Variants in APPBP2 observed in about 807,000 individuals in gnomAD.
APPBP2 encodes amyloid beta precursor protein binding protein 2, also known as amyloid protein-binding protein 2.
Under a neutral mutation model 76.0 loss-of-function variants are expected in APPBP2, and 15 were observed. The ratio of observed to expected loss-of-function variants is 0.20; its 90% CI spans 0.13 to 0.30. APPBP2 has a LOEUF of 0.30. Ranked by LOEUF, APPBP2 falls within the 10% of genes least tolerant of loss-of-function variation. APPBP2 has a pLI of 1.00. For missense variants in APPBP2, 401 were observed against 687.2 expected (o/e 0.58, Z 4.66); for synonymous variants, 222 against 242.2 (o/e 0.92, Z 0.77).
intron 2 of APPBP2, among the ~76,000 whole-genome samples, chr17:60,495,143 C>A (rs1367585766): frequency 6.6e-6 from 1 of 150,584 alleles, no homozygotes; most frequent in Admixed American, 6.6e-5. Flanking sequence ...TGTCACCATG[C>A]CCAACTAATC....
intron 3 of APPBP2, among the ~76,000 whole-genome samples, chr17:60,490,834 CA>C (rs1406103701): frequency 6.6e-6 from 1 of 152,144 alleles, no homozygotes; most frequent in Non-Finnish European, 1.5e-5. Context: ...TGCCTGCCAC[CA>C]TGTAAGATGT....
rs764534040 is a variant in APPBP2, at chr17:60,479,164, C to T, written c.487G>A (p.Val163Ile). The change falls in exon 4 of 13, where the codon GTA becomes ATA. Residue 163 changes from valine (V) to isoleucine (I), a missense_variant. Transcript: ENST00000083182. ...HDEMLHWFRA[V>I]ECCVRLLHVR... ...CCAACTTACCTCACACAACATTCTA[C>T]TGCACGAAACCAATGAAGCATCTCA... The T allele has an allele frequency of 1.4e-5, 22 of 1,611,982 alleles. No individual in the cohort carries two copies. Among genetic ancestry groups the T allele is most frequent in the Admixed American group, 6.7e-5 (4 of 59,430 alleles).
intron 3 of APPBP2, among the ~76,000 whole-genome samples, chr17:60,487,215 G>GT (rs1367555293): frequency 6.6e-6 from 1 of 152,154 alleles, no homozygotes; most frequent in Non-Finnish European, 1.5e-5. Context: ...GGTGTTCTCT[G>GT]TATTTCCTGA....
chr17:60,476,111 GAA>G (rs371452448), intron 4 of APPBP2, among the ~76,000 whole-genome samples: 304 of 152,150 alleles, frequency 2.0e-3, no homozygotes, highest in African/African-American at 6.8e-3. Flanking sequence ...GTATAAGCAA[GAA>G]AAACAAAGCC....
At chr17:60,484,334 A>T (rs192521954) in intron 3 of APPBP2, among the ~76,000 whole-genome samples, 4 of 152,310 alleles carry the variant, frequency 2.6e-5, no homozygotes, top group African/African-American at 7.2e-5. Flanking sequence ...AGCCATTTTC[A>T]TGATACTGAT....
chr17:60,525,770 A>C (rs1567946601), intron 1 of APPBP2, 24 bp downstream of exon 1: 1 of 1,612,980 alleles, frequency 6.2e-7, no homozygotes, highest in South Asian at 1.1e-5. Context: ...GGAGGAGAGC[A>C]GAGAGGAGGC....
intron 4 of APPBP2, among the ~76,000 whole-genome samples, chr17:60,475,306 T>C (rs1231147760): frequency 6.6e-6 from 1 of 152,144 alleles, no homozygotes; most frequent in Non-Finnish European, 1.5e-5. Flanking sequence ...AGTTTCATTA[T>C]ATTGCCCAGG....
chr17:60,501,122 T>C (rs962079248), intron 1 of APPBP2, among the ~76,000 whole-genome samples: 1 of 152,104 alleles, frequency 6.6e-6, no homozygotes, highest in Non-Finnish European at 1.5e-5. Flanking sequence ...GAGACAGGCC[T>C]GGGCAACATA....
rs1269339790 is a variant in APPBP2, at chr17:60,447,671, A to T, written c.1668T>A (p.Ala556=). 1 of 1,614,130 alleles carries T rather than the reference A, an allele frequency of 6.2e-7. No homozygotes were observed. The highest frequency in any genetic ancestry group is 8.5e-7 in the Non-Finnish European group (1 of 1,180,030). ...GGGGGCTGGTGCTGACATCTTCAAG[A>T]GCATCTGTCACTGAATATTGCCGAT... ...LRDRQYSVTD[A]LEDVSTSPQS... Residue 556 remains alanine (A), a synonymous_variant, in exon 13 of 13, where the codon GCT becomes GCA. Transcript: ENST00000083182.
intron 1 of APPBP2, among the ~76,000 whole-genome samples, chr17:60,502,789 T>G (rs186180524): frequency 6.8e-6 from 1 of 146,094 alleles, no homozygotes; most frequent in East Asian, 1.9e-4. Flanking sequence ...TAAGACAGGT[T>G]GCAAGGAGCC....
At position 60,461,847 on chromosome 17, in the gene APPBP2, T is replaced by C. The variant is rs756058945; in HGVS notation, c.899A>G (p.Asn300Ser). The C allele has an allele frequency of 1.2e-6, 2 of 1,611,776 alleles. No individual in the cohort carries two copies. Among genetic ancestry groups the C allele is most frequent in the Non-Finnish European group, 1.7e-6 (2 of 1,179,222 alleles). ...TLLDYGFYLL[N>S]VDNICQSVAI... ...AACAGACTGACAGATATTATCTACA[T>C]TGAGTAAGTAGAACCCATAATCTAG... Residue 300 changes from asparagine to serine, a missense_variant, in exon 8 of 13, where the codon AAT becomes AGT. Transcript: ENST00000083182.
chr17:60,467,778 A>G (rs1173317063), intron 4 of APPBP2, among the ~76,000 whole-genome samples: 2 of 152,192 alleles, frequency 1.3e-5, no homozygotes, highest in Admixed American at 6.5e-5. Context: ...AGCCAAGTGA[A>G]GATCTGGTGG....
chr17:60,520,454 T>C (rs905373299), intron 1 of APPBP2, among the ~76,000 whole-genome samples: 5 of 151,234 alleles, frequency 3.3e-5, no homozygotes, highest in Non-Finnish European at 1.5e-5. Context: ...GTGCTTGTAA[T>C]CCCAGCTACT....
At chr17:60,451,285 T>G (rs922186523) in intron 12 of APPBP2, among the ~76,000 whole-genome samples, 2 of 152,100 alleles carry the variant, frequency 1.3e-5, no homozygotes, top group African/African-American at 4.8e-5. Flanking sequence ...ACTGCACAAA[T>G]AGTTTAAAAT....
intron 2 of APPBP2, among the ~76,000 whole-genome samples, chr17:60,500,165 C>T (rs1324418340): frequency 1.3e-5 from 2 of 152,122 alleles, no homozygotes; most frequent in African/African-American, 2.4e-5. Context: ...CGCCTACCAC[C>T]ACGCCCAGCT....
At chr17:60,487,524 G>A (rs923002417) in intron 3 of APPBP2, among the ~76,000 whole-genome samples, 3 of 151,882 alleles carry the variant, frequency 2.0e-5, no homozygotes, top group Admixed American at 6.6e-5. Flanking sequence ...TAGTTCTCGC[G>A]CCATGGTTTT....
intron 3 of APPBP2, among the ~76,000 whole-genome samples, chr17:60,493,077 G>T (rs1427080671): frequency 2.6e-5 from 4 of 152,112 alleles, no homozygotes; most frequent in Non-Finnish European, 5.9e-5. Context: ...GGTTTTATAA[G>T]GGGTTTCCCC....
chr17:60,455,616 T>G (rs2090425437), intron 10 of APPBP2, among the ~76,000 whole-genome samples: 1 of 152,150 alleles, frequency 6.6e-6, no homozygotes, highest in East Asian at 1.9e-4. Flanking sequence ...GATACGAAGC[T>G]CAGGATAAGA....
intron 3 of APPBP2, among the ~76,000 whole-genome samples, chr17:60,480,964 T>C (rs947422403): frequency 6.6e-6 from 1 of 152,148 alleles, no homozygotes; most frequent in Non-Finnish European, 1.5e-5. Context: ...CATTAAATAA[T>C]AGTCAATACC....
Sources: gnomAD v4.1 joint callset for allele counts (sites outside exome capture counted in the v4.1 genomes callset) on GRCh38, gnomAD v4.1.1 for gene constraint, MANE v1.5 for transcripts, NCBI Gene and HGNC (gene_info 2026-07-23, HGNC 2026-07-21) for gene names.